FBXL20: variants seen among roughly 807,000 people sequenced by gnomAD.
FBXL20 encodes F-box/LRR-repeat protein 20.
A neutral mutation model predicts 64.0 loss-of-function variants in FBXL20; 11 were observed. The observed-to-expected ratio is 0.17, with a 90% CI of 0.11 to 0.28. The LOEUF (loss-of-function observed/expected upper bound fraction) is 0.28, where lower values mean the gene tolerates loss of function less well. Ranked by LOEUF, FBXL20 falls within the 10% of genes least tolerant of loss-of-function variation. The probability of loss-of-function intolerance (pLI) is 1.00; values close to 1 mark genes in which losing one functional copy is unlikely to be tolerated. For missense variants in FBXL20, 303 were observed against 526.2 expected, an observed-to-expected ratio of 0.58 and a Z score of 4.15; for synonymous variants, 184 against 189.0, an observed-to-expected ratio of 0.97 and a Z score of 0.22.
At chr17:39,290,253 T>G (rs541241897) in intron 6 of FBXL20, among the ~76,000 whole-genome samples, 1 of 152,242 alleles carries the variant, frequency 6.6e-6, no homozygotes, top group South Asian at 2.1e-4. Context: ...GAATTGAGTT[T>G]TTGCAAAGTA....
Position 39,335,674 on chromosome 17 carries a change from T to C in FBXL20, c.104+7506A>G, listed in dbSNP as rs1056790258. ...AAACACAGTCTTTGTCTTAGAAACATAGATGTTCCTTTTTCAAGTGGTACC... is the reference window on the plus strand; with the variant it reads ...AAACACAGTCTTTGTCTTAGAAACACAGATGTTCCTTTTTCAAGTGGTACC... On this transcript the variant is annotated intron_variant, in intron 2 of 14. Coordinates refer to ENST00000264658, the MANE Select transcript of FBXL20 (RefSeq NM_032875.3). 9.3e-5 allele frequency among the ~76,000 whole-genome samples: 14 copies of C among 150,872 alleles called. No homozygotes were observed. In the East Asian group the frequency reaches 1.6e-3, roughly 17 times the overall value.
chr17:39,380,947 G>A (rs182339862), intron 1 of FBXL20, among the ~76,000 whole-genome samples: 1 of 151,844 alleles, frequency 6.6e-6, no homozygotes, highest in Non-Finnish European at 1.5e-5. Flanking sequence ...ATTGCCTAAG[G>A]TCAGGAGTTC....
chr17:39,328,104 C>T (rs547885521), intron 2 of FBXL20, among the ~76,000 whole-genome samples: 5 of 151,388 alleles, frequency 3.3e-5, no homozygotes, highest in East Asian at 3.9e-4. Flanking sequence ...AAAAATTAGC[C>T]GGGCGTGGTG....
chr17:39,291,293 T>C (rs2047036116), intron 6 of FBXL20, among the ~76,000 whole-genome samples: 1 of 152,054 alleles, frequency 6.6e-6, no homozygotes, highest in Non-Finnish European at 1.5e-5. Context: ...TCCAGTATTA[T>C]TTCCTTCCTT....
At chr17:39,400,988 G>C (rs774081634) in intron 1 of FBXL20, among the ~76,000 whole-genome samples, 13 of 151,632 alleles carry the variant, frequency 8.6e-5, no homozygotes, top group Non-Finnish European at 1.9e-4. Context: ...GCGTCATGAA[G>C]GTAGCAGCGA....
intron 3 of FBXL20, among the ~76,000 whole-genome samples, chr17:39,302,062 GTCTT>G (rs2047141005): frequency 6.6e-6 from 1 of 151,780 alleles, no homozygotes; most frequent in Admixed American, 6.6e-5. Context: ...TGAAAAGCAA[GTCTT>G]TCTTCTATGC....
chr17:39,268,984 G>A, intron 11 of FBXL20, 113 bp from the exon 12 acceptor site: 1 of 964,428 alleles, frequency 1.0e-6, no homozygotes, highest in Middle Eastern at 2.9e-4. Context: ...AAATTCTTTG[G>A]TGTTTCAGAG....
At chr17:39,401,258 T>C in intron 1 of FBXL20, 103 bp downstream of exon 1, 2 of 1,589,936 alleles carry the variant, frequency 1.3e-6, no homozygotes, top group Non-Finnish European at 1.7e-6. Flanking sequence ...AGTGGGTGGG[T>C]GACGGCGCCT....
chr17:39,297,068 G>C, intron 6 of FBXL20, 59 bp downstream of exon 6: 1 of 1,212,362 alleles, frequency 8.2e-7, no homozygotes, highest in Admixed American at 2.0e-5. Context: ...TGAATTTAAG[G>C]TTGTATCAGC....
At chr17:39,332,808 T>A (rs534470946) in intron 2 of FBXL20, among the ~76,000 whole-genome samples, 281 of 152,156 alleles carry the variant, frequency 1.8e-3, no homozygotes, top group Non-Finnish European at 3.8e-3. Flanking sequence ...CCCAAAGTGG[T>A]GGGATTCCAG....
intron 2 of FBXL20, among the ~76,000 whole-genome samples, chr17:39,317,832 G>A (rs1172563342): frequency 6.6e-6 from 1 of 151,328 alleles, no homozygotes; most frequent in Non-Finnish European, 1.5e-5. Flanking sequence ...CTCCCCAGCA[G>A]CTGGGACTAC....
intron 2 of FBXL20, among the ~76,000 whole-genome samples, chr17:39,339,720 T>C (rs1261536816): frequency 1.3e-5 from 2 of 152,002 alleles, no homozygotes; most frequent in Admixed American, 1.3e-4. Context: ...TGATCTCAGC[T>C]CACTGCAACC....
At chr17:39,393,746 A>T (rs1281064257) in intron 1 of FBXL20, among the ~76,000 whole-genome samples, 1 of 152,202 alleles carries the variant, frequency 6.6e-6, no homozygotes, top group Non-Finnish European at 1.5e-5. Context: ...CAAATGCCTA[A>T]TAAATAATTA....
intron 9 of FBXL20, among the ~76,000 whole-genome samples, chr17:39,279,494 C>T (rs1202842148): frequency 6.8e-5 from 10 of 147,774 alleles, no homozygotes; most frequent in African/African-American, 2.5e-4. Flanking sequence ...AGTGAGACTT[C>T]ACCTCAAAAA....
At chr17:39,280,184 C>T (rs1260509939) in intron 9 of FBXL20, among the ~76,000 whole-genome samples, 3 of 146,548 alleles carry the variant, frequency 2.0e-5, no homozygotes, top group East Asian at 2.0e-4. Context: ...TGCAGTGAGC[C>T]GAGATCGTGC....
At chr17:39,302,193 T>C (rs931143234) in intron 3 of FBXL20, among the ~76,000 whole-genome samples, 2 of 151,988 alleles carry the variant, frequency 1.3e-5, no homozygotes, top group African/African-American at 4.8e-5. Flanking sequence ...TTTTTCTATA[T>C]ATAGAGTATA....
At chr17:39,320,200 C>A (rs1407174853) in intron 2 of FBXL20, among the ~76,000 whole-genome samples, 2 of 152,078 alleles carry the variant, frequency 1.3e-5, no homozygotes, top group African/African-American at 4.8e-5. Context: ...TTGAAGAATT[C>A]TGTGCAAAAT....
chr17:39,342,610 G>A (rs1468196991), intron 2 of FBXL20, among the ~76,000 whole-genome samples: 1 of 152,034 alleles, frequency 6.6e-6, no homozygotes, highest in African/African-American at 2.4e-5. Flanking sequence ...CCAGCGACTC[G>A]GGAGGCTGAG....
intron 6 of FBXL20, 120 bp from the exon 7 acceptor site, chr17:39,285,693 C>A: frequency 2.1e-6 from 1 of 465,246 alleles, no homozygotes; most frequent in East Asian, 3.7e-5. Flanking sequence ...ATTTTCATAC[C>A]CCTAAAAAAG....
Sources: allele counts gnomAD v4.1 joint callset (sites outside exome capture counted in the v4.1 genomes callset), GRCh38; gene constraint gnomAD v4.1.1; transcripts MANE v1.5; gene names NCBI Gene and HGNC (gene_info 2026-07-23, HGNC 2026-07-21).